Variants in PTPRD observed in about 807,000 individuals in gnomAD.
PTPRD encodes the protein protein tyrosine phosphatase receptor type D, also known as receptor-type tyrosine-protein phosphatase delta.
PTPRD carries 34 observed loss-of-function variants against 214.5 expected under a neutral mutation model. That is an observed-to-expected ratio of 0.16 (90% confidence interval 0.12 to 0.21). The LOEUF is 0.21. Ranked by LOEUF, PTPRD falls within the 10% of genes least tolerant of loss-of-function variation. PTPRD has a pLI of 1.00. For synonymous variants in PTPRD, 1,128 were observed against 845.7 expected, an observed-to-expected ratio of 1.33 and a Z score of -5.79; for missense variants, 2,545 against 2,398.7, an observed-to-expected ratio of 1.06 and a Z score of -1.27.
At chr9:10,313,194 A>C (rs2096317717) in intron 3 of PTPRD, among the ~76,000 whole-genome samples, 1 of 151,922 alleles carries the variant, frequency 6.6e-6, no homozygotes. Flanking sequence ...ACCATTTGAC[A>C]ATTCAGTCCA....
At chr9:8,793,766 T>A (rs755287699) in intron 11 of PTPRD, among the ~76,000 whole-genome samples, 5 of 152,160 alleles carry the variant, frequency 3.3e-5, no homozygotes, top group African/African-American at 9.7e-5. Context: ...AGTGCTTTAT[T>A]TGGATATTAG....
intron 5 of PTPRD, among the ~76,000 whole-genome samples, chr9:9,894,151 A>G (rs1243595931): frequency 1.3e-5 from 2 of 151,982 alleles, no homozygotes; most frequent in African/African-American, 2.4e-5. Flanking sequence ...GAACACCTCT[A>G]TATCTCCAAG....
At chr9:9,378,391 T>A (rs903032862) in intron 9 of PTPRD, among the ~76,000 whole-genome samples, 3 of 152,194 alleles carry the variant, frequency 2.0e-5, no homozygotes, top group African/African-American at 7.2e-5. Context: ...TATTCCATTG[T>A]CTGGATATAC....
Position 10,164,128 on chromosome 9 carries a change from C to G in PTPRD, c.-544-130338G>C, listed in dbSNP as rs539476551. On this transcript the variant is annotated intron_variant, in intron 3 of 45. Transcript: ENST00000381196. ...TTCAACTGATATCTGGATATCAGTG[C>G]ATAAAAATACCTGCACTAATATTTA... Among the ~76,000 whole-genome samples the G allele has an allele frequency of 2.6e-5, 4 of 151,430 alleles. No homozygotes were observed. The South Asian group carries it at 8.3e-4, about 31-fold the overall frequency.
chr9:9,217,232 T>G (rs2099952891), intron 9 of PTPRD, among the ~76,000 whole-genome samples: 1 of 152,154 alleles, frequency 6.6e-6, no homozygotes. Flanking sequence ...TTCTCATCTG[T>G]AAAATGTGGA....
rs534894919 is a variant in PTPRD, at chr9:9,446,651, C to A, written c.-236-49169G>T. On this transcript the variant is annotated intron_variant, in intron 8 of 45. Coordinates refer to ENST00000381196, the MANE Select transcript of PTPRD (RefSeq NM_002839.4). ...AAGGGAACACAATAGATTAAAAATC[C>A]CTGACCTCCAAATGGGATCTAATTA... is the stretch of plus-strand genomic sequence containing the variant. Among the ~76,000 whole-genome samples the A allele has an allele frequency of 3.3e-5, 5 of 152,122 alleles. 1 individual carries two copies. The South Asian group carries it at 1.0e-3, about 32-fold the overall frequency.
intron 14 of PTPRD, among the ~76,000 whole-genome samples, chr9:8,546,032 C>T (rs1015536614): frequency 5.3e-5 from 8 of 152,306 alleles, no homozygotes; most frequent in African/African-American, 1.9e-4. Context: ...CCTATTTAGC[C>T]TTAACACAGA....
intron 3 of PTPRD, among the ~76,000 whole-genome samples, chr9:10,054,867 G>A (rs2097595377): frequency 6.6e-6 from 1 of 152,110 alleles, no homozygotes; most frequent in South Asian, 2.1e-4. Context: ...AAATCCATAT[G>A]TTGAAGTCCT....
intron 2 of PTPRD, among the ~76,000 whole-genome samples, chr9:10,524,218 C>G (rs1248507174): frequency 1.3e-5 from 2 of 152,026 alleles, no homozygotes; most frequent in African/African-American, 2.4e-5. Context: ...CCGTTCAATC[C>G]TTAGCATGTT....
chr9:8,843,440 G>A (rs1176368138), intron 11 of PTPRD, among the ~76,000 whole-genome samples: 1 of 152,130 alleles, frequency 6.6e-6, no homozygotes, highest in Non-Finnish European at 1.5e-5. Flanking sequence ...AAGATCAAAT[G>A]ATGTTTCAGA....
chr9:9,148,014 G>A lies in PTPRD; in HGVS notation c.-143+35290C>T, dbSNP rs560122670. On this transcript the variant is annotated intron_variant, in intron 10 of 45. Transcript: ENST00000381196. ...CACCTGGAGGGCTTGTTTTAGGAAT[G>A]CAATAAGCAAAAATGATTTGAAAAT... 6.6e-5 allele frequency among the ~76,000 whole-genome samples: 10 copies of A among 152,250 alleles called. No homozygotes were observed. In the East Asian group the frequency reaches 1.9e-3, roughly 29 times the overall value.
intron 3 of PTPRD, among the ~76,000 whole-genome samples, chr9:10,059,266 A>G (rs374776296): frequency 2.0e-5 from 3 of 152,116 alleles, no homozygotes; most frequent in African/African-American, 7.2e-5. Flanking sequence ...AGTTCAGCCA[A>G]TATTTACAAC....
intron 28 of PTPRD, 138 bp from the exon 29 acceptor site, chr9:8,485,462 T>C: frequency 4.6e-6 from 3 of 657,272 alleles, no homozygotes; most frequent in Non-Finnish European, 7.8e-6. Context: ...CCTACCTGTT[T>C]AGAGCATTCA....
intron 4 of PTPRD, among the ~76,000 whole-genome samples, chr9:9,966,185 G>A (rs1157341395): frequency 2.6e-5 from 4 of 152,224 alleles, no homozygotes; most frequent in African/African-American, 9.6e-5. Flanking sequence ...CACCTGGACA[G>A]AAACTAAAGA....
chr9:9,105,211 G>C (rs2099796787), intron 10 of PTPRD, among the ~76,000 whole-genome samples: 1 of 152,132 alleles, frequency 6.6e-6, no homozygotes, highest in Non-Finnish European at 1.5e-5. Flanking sequence ...GAAGTTCAAG[G>C]TCATCCAGCT....
At chr9:9,534,237 G>A (rs72706527) in intron 8 of PTPRD, among the ~76,000 whole-genome samples, 6,219 of 152,120 alleles carry the variant, frequency 0.041, 162 homozygotes, top group Middle Eastern at 0.065. Context: ...AAATATTATA[G>A]ATATTCTTAT....
intron 12 of PTPRD, among the ~76,000 whole-genome samples, chr9:8,639,923 G>A (rs1218130201): frequency 6.6e-6 from 1 of 152,068 alleles, no homozygotes; most frequent in East Asian, 1.9e-4. Flanking sequence ...TTCTGGTCAG[G>A]CATTGAAGTT....
rs183328144 is a variant in PTPRD at position 10,468,522 on chromosome 9, T to C, written c.-599-127505A>G. On this transcript the variant is annotated intron_variant, in intron 2 of 45. Transcript: ENST00000381196. ...GGGCAGTAGGGGGCCAGGGGAGGGA[T>C]AGCATTAAAAGAAATACTTAATGTA... Among the ~76,000 whole-genome samples the C allele has an allele frequency of 1.8e-4, 27 of 152,194 alleles. No individual in the cohort carries two copies. The East Asian group carries it at 4.7e-3, about 26-fold the overall frequency.
At chr9:8,612,251 G>A (rs565536554) in intron 14 of PTPRD, among the ~76,000 whole-genome samples, 2 of 152,184 alleles carry the variant, frequency 1.3e-5, no homozygotes, top group African/African-American at 2.4e-5. Flanking sequence ...TCCTTTACAC[G>A]ATTCATCCAG....
Sources: gnomAD v4.1 joint callset for allele counts (sites outside exome capture counted in the v4.1 genomes callset) on GRCh38, gnomAD v4.1.1 for gene constraint, MANE v1.5 for transcripts, NCBI Gene and HGNC (gene_info 2026-07-23, HGNC 2026-07-21) for gene names.